Variants in FOXK2 observed in about 807,000 individuals in gnomAD.
FOXK2 encodes forkhead box K2, also known as forkhead box protein K2.
FOXK2 carries 24 observed loss-of-function variants against 53.3 expected under a neutral mutation model. The observed-to-expected ratio is 0.45, with a 90% CI of 0.33 to 0.63. The LOEUF is 0.63. Among genes scored for constraint, FOXK2 ranks in the 30% least tolerant of loss-of-function variants. FOXK2 has a pLI of 0.03. For synonymous variants in FOXK2, 505 were observed against 407.1 expected, an observed-to-expected ratio of 1.24 and a Z score of -2.89; for missense variants, 952 against 910.5, an observed-to-expected ratio of 1.05 and a Z score of -0.59.
At chr17:82,559,510 C>T (rs772208756) in intron 1 of FOXK2, 10 of 456,158 alleles carry the variant, frequency 2.2e-5, no homozygotes, top group Middle Eastern at 3.2e-4. Flanking sequence ...CCTGGGAACA[C>T]GTCCCCACGT....
Position 82,585,703 on chromosome 17 carries a change from G to T in FOXK2, c.1280-201G>T, listed in dbSNP as rs180859084. Among the ~76,000 whole-genome samples the T allele has an allele frequency of 3.4e-3, 516 of 152,300 alleles. 5 individuals are homozygous for T. Among genetic ancestry groups the T allele is most frequent in the South Asian group, 0.019 (92 of 4,826 alleles). ...TAGAGCCAAAATTGCATTTTTAGCAGTTAGAGATAGGAATTAAATACCCCT... is the reference window on the plus strand; with the variant it reads ...TAGAGCCAAAATTGCATTTTTAGCATTTAGAGATAGGAATTAAATACCCCT... On this transcript the variant is annotated intron_variant, in intron 6 of 8. Transcript: ENST00000335255.
At chr17:82,582,345 T>A (rs548134835) in intron 4 of FOXK2, among the ~76,000 whole-genome samples, 194 of 152,242 alleles carry the variant, frequency 1.3e-3, no homozygotes, top group African/African-American at 4.5e-3. Flanking sequence ...CCGGGGCCCG[T>A]TCTGCCACAG....
At chr17:82,539,282 C>T (rs1176986808) in intron 1 of FOXK2, among the ~76,000 whole-genome samples, 19 of 139,290 alleles carry the variant, frequency 1.4e-4, no homozygotes, top group African/African-American at 4.9e-4. Context: ...GGTGGCCGGG[C>T]GTGGTGGCTC....
chr17:82,596,288 C>CTT, intron 8 of FOXK2: 1 of 820,852 alleles, frequency 1.2e-6, no homozygotes, highest in East Asian at 1.2e-4. Flanking sequence ...TTCTGGAACA[C>CTT]GTTCCTTGCC....
intron 1 of FOXK2, among the ~76,000 whole-genome samples, chr17:82,562,503 C>G (rs1247679302): frequency 6.6e-6 from 1 of 151,948 alleles, no homozygotes; most frequent in African/African-American, 2.4e-5. Flanking sequence ...TCGCTTGAAC[C>G]TGGGAGGTGG....
intron 4 of FOXK2, among the ~76,000 whole-genome samples, chr17:82,572,673 CAT>C (rs926822810): frequency 3.9e-5 from 6 of 152,006 alleles, no homozygotes; most frequent in African/African-American, 1.2e-4. Flanking sequence ...ATATTAAAAA[CAT>C]AGAGAAGAAA....
At chr17:82,567,935 T>C (rs1297436238) in intron 2 of FOXK2, 119 bp from the exon 3 acceptor site, 1 of 558,374 alleles carries the variant, frequency 1.8e-6, no homozygotes. Flanking sequence ...CCTTTTTTTT[T>C]TTTTTTTTTT....
chr17:82,555,883 C>G (rs1321406316), intron 1 of FOXK2, among the ~76,000 whole-genome samples: 1 of 23,796 alleles, frequency 4.2e-5, no homozygotes, highest in South Asian at 1.7e-3. Context: ...AAGACTCTAT[C>G]ACAAAAAAAA....
intron 1 of FOXK2, among the ~76,000 whole-genome samples, chr17:82,555,780 C>T (rs558010047): frequency 1.0e-3 from 148 of 145,232 alleles, no homozygotes; most frequent in African/African-American, 3.4e-3. Context: ...CCCAGCTACT[C>T]GGGAGGCTGA....
In FOXK2 at chr17:82,587,625, G is replaced by A. The variant is rs778871406; in HGVS notation, c.1786+353G>A. On this transcript the variant is annotated intron_variant, in intron 8 of 8. Transcript: ENST00000335255. The stretch of plus-strand genomic sequence containing the variant: ...CCTCGCGCGCCCTGTGGCCTGTGGC[G>A]GTGCTATGCTGCTGAGGGTGGGAGA... 99 of 357,934 alleles carry A rather than the reference G, an allele frequency of 2.8e-4. 1 individual carries two copies. The highest frequency in any genetic ancestry group is 2.2e-3 in the Admixed American group (55 of 25,542). The allele number at this position is 357,934 out of a possible 1,614,324, so 22.2% of individuals were successfully genotyped here.
At chr17:82,562,465 A>G (rs2044807219) in intron 1 of FOXK2, among the ~76,000 whole-genome samples, 1 of 152,120 alleles carries the variant, frequency 6.6e-6, no homozygotes, top group South Asian at 2.1e-4. Context: ...CTGTAATCCC[A>G]GCTACTCAGG....
chr17:82,543,292 C>T (rs2044591632), intron 1 of FOXK2, among the ~76,000 whole-genome samples: 1 of 152,228 alleles, frequency 6.6e-6, no homozygotes, highest in Non-Finnish European at 1.5e-5. Flanking sequence ...CTCTGGTACC[C>T]AGGCTGGAAG....
chr17:82,531,528 G>A (rs1297817777), intron 1 of FOXK2, among the ~76,000 whole-genome samples: 1 of 152,130 alleles, frequency 6.6e-6, no homozygotes, highest in East Asian at 1.9e-4. Context: ...TACAAGCCTA[G>A]ATGACACAGC....
chr17:82,523,843 A>G (rs1368129458), intron 1 of FOXK2, among the ~76,000 whole-genome samples: 1 of 152,166 alleles, frequency 6.6e-6, no homozygotes, highest in Non-Finnish European at 1.5e-5. Context: ...TTTTAAGTTT[A>G]AAAATCAAAT....
intron 1 of FOXK2, among the ~76,000 whole-genome samples, chr17:82,544,165 G>C (rs1324006565): frequency 6.6e-6 from 1 of 151,912 alleles, no homozygotes; most frequent in East Asian, 1.9e-4. Flanking sequence ...CTCCCACTTC[G>C]GCTTTCCAAA....
chr17:82,570,048 C>T (rs1372097132), intron 3 of FOXK2, among the ~76,000 whole-genome samples: 13 of 149,738 alleles, frequency 8.7e-5, no homozygotes, highest in Admixed American at 8.7e-4. Context: ...CGGTGAAATC[C>T]CGTCTGTACT....
intron 7 of FOXK2, among the ~76,000 whole-genome samples, chr17:82,586,818 T>G (rs1388904586): frequency 2.6e-5 from 4 of 152,048 alleles, no homozygotes; most frequent in Admixed American, 2.6e-4. Context: ...GGAGAATCAC[T>G]TGAACCCGGA....
intron 1 of FOXK2, among the ~76,000 whole-genome samples, chr17:82,556,778 C>T (rs901112727): frequency 3.3e-5 from 5 of 152,014 alleles, no homozygotes; most frequent in Non-Finnish European, 5.9e-5. Flanking sequence ...TTCACTGCAG[C>T]CTCCACCTCC....
chr17:82,568,937 G>A (rs185553708), intron 3 of FOXK2, among the ~76,000 whole-genome samples: 44 of 152,274 alleles, frequency 2.9e-4, no homozygotes, highest in Non-Finnish European at 4.4e-4. Context: ...CTTGAACCCC[G>A]GGAGGCGGAG....
Sources: gnomAD v4.1 joint callset for allele counts (sites outside exome capture counted in the v4.1 genomes callset) on GRCh38, gnomAD v4.1.1 for gene constraint, MANE v1.5 for transcripts, NCBI Gene and HGNC (gene_info 2026-07-23, HGNC 2026-07-21) for gene names.